The following ADAMTSL1 variants were observed in gnomAD, a reference collection of about 807,000 sequenced individuals.
ADAMTSL1 encodes ADAMTS-like protein 1.
Under a neutral mutation model 201.8 loss-of-function variants are expected in ADAMTSL1, and 126 were observed. That is an observed-to-expected ratio of 0.62 (90% CI 0.54 to 0.72). ADAMTSL1 has a LOEUF of 0.72. Among genes scored for constraint, ADAMTSL1 ranks in the 30% least tolerant of loss-of-function variants. ADAMTSL1 has a pLI of 0.00. For synonymous variants in ADAMTSL1, 1,121 were observed against 903.4 expected (o/e 1.24, Z -4.32); for missense variants, 2,679 against 2,277.8 (o/e 1.18, Z -3.59).
At chr9:18,613,514 A>G (rs959963152) in intron 4 of ADAMTSL1, among the ~76,000 whole-genome samples, 5 of 152,242 alleles carry the variant, frequency 3.3e-5, no homozygotes, top group South Asian at 4.1e-4. Flanking sequence ...AAGAAACACC[A>G]TGGAATATTA....
At chr9:18,287,284 C>T (rs1176765132) in intron 2 of ADAMTSL1, among the ~76,000 whole-genome samples, 1 of 151,986 alleles carries the variant, frequency 6.6e-6, no homozygotes, top group Non-Finnish European at 1.5e-5. Context: ...CTCAGCCTGG[C>T]ATCAATGGAA....
chr9:18,409,252 G>A (rs1818328422), intron 2 of ADAMTSL1, among the ~76,000 whole-genome samples: 1 of 151,484 alleles, frequency 6.6e-6, no homozygotes, highest in African/African-American at 2.4e-5. Context: ...GCATGGTGGT[G>A]CATGCCTGTA....
At chr9:18,079,681 CAAAA>C (rs1823394394) in intron 1 of ADAMTSL1, among the ~76,000 whole-genome samples, 2 of 119,722 alleles carry the variant, frequency 1.7e-5, no homozygotes, top group Non-Finnish European at 3.5e-5. Context: ...GACTCTGTCT[CAAAA>C]TAAATAAATA....
At chr9:18,868,475 T>C (rs1827680087) in intron 23 of ADAMTSL1, among the ~76,000 whole-genome samples, 1 of 152,244 alleles carries the variant, frequency 6.6e-6, no homozygotes, top group Non-Finnish European at 1.5e-5. Flanking sequence ...CAAAGTTAAA[T>C]TTGATGTTTT....
In ADAMTSL1 at chr9:18,844,565, A is replaced by T. The variant is rs140296903; in HGVS notation, c.4249+14588A>T. Among the ~76,000 whole-genome samples the T allele has an allele frequency of 4.5e-3, 678 of 152,292 alleles. 9 individuals carry two copies. The highest frequency in any genetic ancestry group is 0.014 in the African/African-American group (566 of 41,568). Reference sequence around the variant, plus strand: ...GCTGGGAGAACCACTGCTCTCTTCAATGCTGTCAGACAGGGACACTTAAGT... The same window carrying T: ...GCTGGGAGAACCACTGCTCTCTTCATTGCTGTCAGACAGGGACACTTAAGT... On this transcript the variant is annotated intron_variant, in intron 23 of 28. Transcript: ENST00000380548.
chr9:18,388,722 T>G (rs1381016890), intron 2 of ADAMTSL1, among the ~76,000 whole-genome samples: 1 of 151,762 alleles, frequency 6.6e-6, no homozygotes, highest in African/African-American at 2.4e-5. Flanking sequence ...ATTTCGATTT[T>G]TTGTTGTTGT....
chr9:18,351,146 T>C (rs895160601), intron 2 of ADAMTSL1, among the ~76,000 whole-genome samples: 5 of 151,534 alleles, frequency 3.3e-5, no homozygotes, highest in Admixed American at 2.0e-4. Flanking sequence ...ATGCCTTGCA[T>C]CTAGATTAAT....
chr9:18,114,174 G>A (rs909862211), intron 1 of ADAMTSL1, among the ~76,000 whole-genome samples: 2 of 152,096 alleles, frequency 1.3e-5, no homozygotes, highest in South Asian at 4.2e-4. Context: ...ATACTCATTG[G>A]ATTTCACGTT....
intron 23 of ADAMTSL1, among the ~76,000 whole-genome samples, chr9:18,833,599 T>C (rs1170489710): frequency 6.6e-6 from 1 of 152,222 alleles, no homozygotes; most frequent in African/African-American, 2.4e-5. Flanking sequence ...ATGTTAGACA[T>C]TTGTCAGATG....
intron 1 of ADAMTSL1, among the ~76,000 whole-genome samples, chr9:18,161,340 A>G (rs183509632): frequency 2.0e-5 from 3 of 152,198 alleles, no homozygotes; most frequent in Non-Finnish European, 2.9e-5. Context: ...AAGTTTTCAC[A>G]AAGAAAATGC....
intron 1 of ADAMTSL1, among the ~76,000 whole-genome samples, chr9:18,148,762 CA>C (rs904936356): frequency 1.6e-4 from 25 of 152,018 alleles, no homozygotes; most frequent in African/African-American, 5.8e-4. Flanking sequence ...GTAATATACT[CA>C]GGGGCACATT....
At chr9:18,490,956 G>T (rs1170071843) in intron 1 of ADAMTSL1, among the ~76,000 whole-genome samples, 1 of 152,176 alleles carries the variant, frequency 6.6e-6, no homozygotes, top group Non-Finnish European at 1.5e-5. Flanking sequence ...GCAGGAGACA[G>T]GTTAGCCCTC....
chr9:18,869,326 C>T (rs59131515), intron 23 of ADAMTSL1, among the ~76,000 whole-genome samples: 191 of 152,326 alleles, frequency 1.3e-3, no homozygotes, highest in African/African-American at 4.4e-3. Flanking sequence ...TTATGGCAAC[C>T]CTAGAAAACT....
intron 23 of ADAMTSL1, among the ~76,000 whole-genome samples, chr9:18,880,921 T>A (rs1299266849): frequency 6.6e-6 from 1 of 152,234 alleles, no homozygotes; most frequent in Non-Finnish European, 1.5e-5. Context: ...ATTTTCTGGA[T>A]AACTTGCTGC....
intron 1 of ADAMTSL1, among the ~76,000 whole-genome samples, chr9:17,946,656 A>G (rs1490418507): frequency 1.3e-5 from 2 of 152,132 alleles, no homozygotes; most frequent in Non-Finnish European, 2.9e-5. Flanking sequence ...CACCAGTAGA[A>G]GCTATTATTC....
At chr9:18,902,500 CAGTA>C (rs1201940508) in intron 26 of ADAMTSL1, among the ~76,000 whole-genome samples, 1 of 132,618 alleles carries the variant, frequency 7.5e-6, no homozygotes. Context: ...AAAACACAAA[CAGTA>C]AATCAGTCAG....
intron 2 of ADAMTSL1, among the ~76,000 whole-genome samples, chr9:18,409,291 G>T (rs1051629165): frequency 1.3e-5 from 2 of 150,256 alleles, no homozygotes; most frequent in Admixed American, 6.7e-5. Flanking sequence ...GCTGAAGTGG[G>T]AGAATCGCTT....
At chr9:18,150,969 A>G (rs1826882687) in intron 1 of ADAMTSL1, among the ~76,000 whole-genome samples, 1 of 151,986 alleles carries the variant, frequency 6.6e-6, no homozygotes, top group Non-Finnish European at 1.5e-5. Context: ...GGGCTAGTAG[A>G]AATGGGATCC....
chr9:18,368,065 A>G (rs896194301), intron 2 of ADAMTSL1, among the ~76,000 whole-genome samples: 1 of 146,210 alleles, frequency 6.8e-6, no homozygotes, highest in Non-Finnish European at 1.5e-5. Flanking sequence ...ACGCCAGGCT[A>G]ATTTTTTTTT....
Sources: allele counts gnomAD v4.1 joint callset (sites outside exome capture counted in the v4.1 genomes callset), GRCh38; gene constraint gnomAD v4.1.1; transcripts MANE v1.5; gene names NCBI Gene and HGNC (gene_info 2026-07-23, HGNC 2026-07-21).